The following CTNNA3 variants were observed in gnomAD, a reference collection of about 807,000 sequenced individuals.
CTNNA3 encodes the protein catenin alpha-3.
CTNNA3 carries 76 observed loss-of-function variants against 95.7 expected under a neutral mutation model. The ratio of observed to expected loss-of-function variants is 0.79; its 90% CI spans 0.66 to 0.96. CTNNA3 has a LOEUF of 0.96. CTNNA3 is among the 40% of genes least tolerant of loss of function. The pLI is 0.00. For missense variants in CTNNA3, 1,191 were observed against 1,089.8 expected, an observed-to-expected ratio of 1.09 and a Z score of -1.31; for synonymous variants, 431 against 374.4, an observed-to-expected ratio of 1.15 and a Z score of -1.74.
chr10:66,179,728 C>T (rs1245032733), intron 13 of CTNNA3, among the ~76,000 whole-genome samples: 2 of 151,848 alleles, frequency 1.3e-5, no homozygotes, highest in Admixed American at 1.3e-4. Context: ...CTACGGGAAA[C>T]TTATACTGCT....
In CTNNA3 at chr10:66,599,766, A is replaced by C. The variant is rs185899182; in HGVS notation, c.1374+21926T>G. 8.3e-3 allele frequency among the ~76,000 whole-genome samples: 1,260 copies of C among 151,990 alleles called. 19 individuals are homozygous for C. Among genetic ancestry groups the C allele is most frequent in the African/African-American group, 0.029 (1,193 of 41,482 alleles). On this transcript the variant is annotated intron_variant, in intron 10 of 17. Transcript: ENST00000433211. ...TCACCACAGTTCCTTCCAGACTTAC[A>C]CCATGCCAGTCCACATATTAAGTAA...
At chr10:67,435,963 G>C (rs1223349937) in intron 5 of CTNNA3, among the ~76,000 whole-genome samples, 2 of 151,942 alleles carry the variant, frequency 1.3e-5, no homozygotes, top group Non-Finnish European at 2.9e-5. Context: ...CACAGAGTTA[G>C]AAAAAACAAT....
intron 10 of CTNNA3, among the ~76,000 whole-genome samples, chr10:66,558,526 A>T (rs1842458063): frequency 6.6e-6 from 1 of 152,138 alleles, no homozygotes; most frequent in South Asian, 2.1e-4. Context: ...TCTTATAATA[A>T]CTAGGTATCA....
At chr10:67,155,273 G>C (rs892626634) in intron 7 of CTNNA3, among the ~76,000 whole-genome samples, 3 of 152,176 alleles carry the variant, frequency 2.0e-5, no homozygotes, top group African/African-American at 7.2e-5. Flanking sequence ...AAGAGCAGAA[G>C]CTCTAGAGTC....
intron 7 of CTNNA3, among the ~76,000 whole-genome samples, chr10:67,172,604 C>T (rs1481362827): frequency 6.6e-6 from 1 of 151,750 alleles, no homozygotes; most frequent in African/African-American, 2.4e-5. Flanking sequence ...GGCCATACCT[C>T]TCAGTTTGCT....
At chr10:65,977,364 AT>A (rs2078226490) in intron 16 of CTNNA3, among the ~76,000 whole-genome samples, 1 of 152,174 alleles carries the variant, frequency 6.6e-6, no homozygotes, top group Non-Finnish European at 1.5e-5. Flanking sequence ...TGTAAAAAAA[AT>A]TCATTACGTT....
At chr10:66,549,512 T>C (rs1212782839) in intron 10 of CTNNA3, among the ~76,000 whole-genome samples, 1 of 152,172 alleles carries the variant, frequency 6.6e-6, no homozygotes, top group Non-Finnish European at 1.5e-5. Context: ...TTGTCTTCAC[T>C]GTTTTCTTTT....
At chr10:66,751,538 T>C (rs1041333790) in intron 9 of CTNNA3, among the ~76,000 whole-genome samples, 2 of 152,188 alleles carry the variant, frequency 1.3e-5, no homozygotes, top group Non-Finnish European at 2.9e-5. Flanking sequence ...TCCCAATAAA[T>C]GAATAGGTGT....
chr10:66,241,308 T>C (rs1001889900), intron 13 of CTNNA3, among the ~76,000 whole-genome samples: 2 of 152,134 alleles, frequency 1.3e-5, no homozygotes, highest in African/African-American at 4.8e-5. Flanking sequence ...ATACACAGTA[T>C]GTTTCTATAT....
chr10:65,943,059 T>C (rs957783082), intron 17 of CTNNA3, among the ~76,000 whole-genome samples: 2 of 147,998 alleles, frequency 1.4e-5, no homozygotes, highest in Non-Finnish European at 3.0e-5. Context: ...TATGTCTTTT[T>C]TTCTTTTTCT....
chr10:66,046,117 A>G (rs1300077667), intron 15 of CTNNA3, among the ~76,000 whole-genome samples: 2 of 152,102 alleles, frequency 1.3e-5, no homozygotes, highest in Admixed American at 1.3e-4. Flanking sequence ...ACAGAGAACA[A>G]AGAAGGGCAA....
At chr10:66,855,862 C>T (rs771676826) in intron 7 of CTNNA3, among the ~76,000 whole-genome samples, 77 of 152,060 alleles carry the variant, frequency 5.1e-4, no homozygotes, top group Non-Finnish European at 7.7e-4. Flanking sequence ...AGACTAGTAA[C>T]ACATGTCTTC....
At chr10:67,382,517 C>T (rs920396487) in intron 5 of CTNNA3, among the ~76,000 whole-genome samples, 1 of 152,148 alleles carries the variant, frequency 6.6e-6, no homozygotes, top group Non-Finnish European at 1.5e-5. Flanking sequence ...GTAGGAACTA[C>T]TAAAATTAAG....
chr10:66,438,694 G>A (rs767065972), intron 11 of CTNNA3, among the ~76,000 whole-genome samples: 14 of 152,056 alleles, frequency 9.2e-5, no homozygotes, highest in Admixed American at 2.6e-4. Flanking sequence ...CCTTTCCAGC[G>A]GAGTAAATGG....
intron 6 of CTNNA3, among the ~76,000 whole-genome samples, chr10:67,198,238 T>A (rs556737025): frequency 5.3e-4 from 80 of 152,282 alleles, no homozygotes; most frequent in Middle Eastern, 6.8e-3. Flanking sequence ...CCTTTAGGTA[T>A]CTAGGTGGTT....
chr10:66,441,086 C>A (rs566320000), intron 11 of CTNNA3, among the ~76,000 whole-genome samples: 1 of 152,154 alleles, frequency 6.6e-6, no homozygotes, highest in Non-Finnish European at 1.5e-5. Flanking sequence ...GTAGTCTCAA[C>A]ACCTGGGAGG....
chr10:66,485,065 T>C (rs1362183713), intron 11 of CTNNA3, among the ~76,000 whole-genome samples: 1 of 152,008 alleles, frequency 6.6e-6, no homozygotes, highest in East Asian at 1.9e-4. Flanking sequence ...CAGCAAATTA[T>C]GTATAGGAGG....
intron 17 of CTNNA3, among the ~76,000 whole-genome samples, chr10:65,945,959 G>T (rs574090547): frequency 6.6e-6 from 1 of 152,214 alleles, no homozygotes; most frequent in African/African-American, 2.4e-5. Flanking sequence ...TAGGAACCCT[G>T]GATCTGCTCA....
chr10:66,218,215 A>G (rs935597599), intron 13 of CTNNA3, among the ~76,000 whole-genome samples: 1 of 152,200 alleles, frequency 6.6e-6, no homozygotes, highest in Admixed American at 6.5e-5. Context: ...TTTCTAGAAC[A>G]GTAGCCAGCT....
Sources: allele counts gnomAD v4.1 joint callset (sites outside exome capture counted in the v4.1 genomes callset), GRCh38; gene constraint gnomAD v4.1.1; transcripts MANE v1.5; gene names NCBI Gene and HGNC (gene_info 2026-07-23, HGNC 2026-07-21).